Variants in STXBP5L observed in about 807,000 individuals in gnomAD.
STXBP5L encodes syntaxin-binding protein 5-like.
STXBP5L carries 65 observed loss-of-function variants against 144.5 expected under a neutral mutation model. That is an observed-to-expected ratio of 0.45 (90% CI 0.37 to 0.55). The LOEUF (loss-of-function observed/expected upper bound fraction) is 0.55, where lower values mean the gene tolerates loss of function less well. STXBP5L is among the 20% of genes least tolerant of loss of function. The pLI, the probability that STXBP5L is intolerant of heterozygous loss-of-function variation, is 0.00. For synonymous variants in STXBP5L, 505 were observed against 469.6 expected (o/e 1.08, Z -0.97); for missense variants, 1,298 against 1,405.5 (o/e 0.92, Z 1.22).
intron 2 of STXBP5L, among the ~76,000 whole-genome samples, chr3:120,919,368 A>G (rs2107578374): frequency 6.6e-6 from 1 of 152,106 alleles, no homozygotes; most frequent in East Asian, 1.9e-4. Flanking sequence ...ACTTGGGTTA[A>G]TAGGCTAAAT....
At chr3:121,395,315 T>C (rs1268008682) in intron 22 of STXBP5L, among the ~76,000 whole-genome samples, 1 of 152,164 alleles carries the variant, frequency 6.6e-6, no homozygotes, top group Non-Finnish European at 1.5e-5. Context: ...AGAAATAATC[T>C]TGGACTGTGG....
At chr3:121,326,307 C>A (rs2044146302) in intron 20 of STXBP5L, among the ~76,000 whole-genome samples, 1 of 151,936 alleles carries the variant, frequency 6.6e-6, no homozygotes, top group East Asian at 1.9e-4. Flanking sequence ...GATATGTAGG[C>A]TTTTTATGGC....
chr3:121,097,029 A>G (rs2043165505), intron 5 of STXBP5L, among the ~76,000 whole-genome samples: 1 of 152,062 alleles, frequency 6.6e-6, no homozygotes, highest in Non-Finnish European at 1.5e-5. Flanking sequence ...CCTTTTTTTC[A>G]GAGATGCCCT....
At chr3:121,087,855 A>G (rs1204176691) in intron 5 of STXBP5L, among the ~76,000 whole-genome samples, 1 of 152,044 alleles carries the variant, frequency 6.6e-6, no homozygotes, top group East Asian at 1.9e-4. Flanking sequence ...AGAGGTTGCT[A>G]TAGGTATTTT....
chr3:121,217,134 C>A (rs1160833303), intron 10 of STXBP5L, among the ~76,000 whole-genome samples: 2 of 152,158 alleles, frequency 1.3e-5, no homozygotes, highest in Admixed American at 6.5e-5. Flanking sequence ...GGGTTGGGAT[C>A]CACTGAGCTA....
chr3:121,324,868 G>A (rs1418636963), intron 20 of STXBP5L, among the ~76,000 whole-genome samples: 3 of 152,022 alleles, frequency 2.0e-5, no homozygotes, highest in Non-Finnish European at 4.4e-5. Context: ...GTTTTCTCAG[G>A]TCTCTAAGAA....
chr3:121,306,797 A>C (rs1271598052), intron 19 of STXBP5L, among the ~76,000 whole-genome samples: 3 of 152,188 alleles, frequency 2.0e-5, no homozygotes, highest in Admixed American at 2.0e-4. Context: ...ACTAGCCTGA[A>C]AAATGACCCC....
intron 9 of STXBP5L, among the ~76,000 whole-genome samples, chr3:121,174,991 C>T (rs2046877463): frequency 6.6e-6 from 1 of 152,036 alleles, no homozygotes. Flanking sequence ...GGAATATATG[C>T]CAGGCCTGCA....
At chr3:121,408,059 A>T (rs2047035570) in intron 23 of STXBP5L, among the ~76,000 whole-genome samples, 1 of 152,052 alleles carries the variant, frequency 6.6e-6, no homozygotes, top group Non-Finnish European at 1.5e-5. Context: ...AGGACATAGG[A>T]AAATAAACTA....
At chr3:121,144,814 A>C (rs1358618822) in intron 7 of STXBP5L, among the ~76,000 whole-genome samples, 1 of 151,950 alleles carries the variant, frequency 6.6e-6, no homozygotes, top group Admixed American at 6.6e-5. Flanking sequence ...ACAATGGAAT[A>C]CTTTTCAGCC....
chr3:121,373,104 A>T (rs934433525), intron 20 of STXBP5L, among the ~76,000 whole-genome samples: 51 of 152,324 alleles, frequency 3.3e-4, no homozygotes, highest in African/African-American at 1.2e-3. Flanking sequence ...ACAATGTATC[A>T]GGTAGAAAAT....
At chr3:121,186,189 G>A (rs1265018634) in intron 9 of STXBP5L, among the ~76,000 whole-genome samples, 1 of 152,178 alleles carries the variant, frequency 6.6e-6, no homozygotes, top group Non-Finnish European at 1.5e-5. Flanking sequence ...AGCTTAAGGA[G>A]GTTGTGGGCT....
At chr3:121,042,585 A>T (rs900468976) in intron 4 of STXBP5L, among the ~76,000 whole-genome samples, 15 of 152,308 alleles carry the variant, frequency 9.8e-5, no homozygotes, top group Admixed American at 7.9e-4. Flanking sequence ...CATGACAATG[A>T]TCTTTCATTC....
At chr3:121,338,409 T>C (rs1296871548) in intron 20 of STXBP5L, among the ~76,000 whole-genome samples, 2 of 151,754 alleles carry the variant, frequency 1.3e-5, no homozygotes, top group Admixed American at 1.3e-4. Context: ...TTTGGGAGTC[T>C]GAGGCGGGTG....
chr3:121,114,751 T>C (rs2044156340), intron 5 of STXBP5L, among the ~76,000 whole-genome samples, 174 bp from the exon 6 acceptor site: 1 of 152,156 alleles, frequency 6.6e-6, no homozygotes, highest in South Asian at 2.1e-4. Context: ...TTATTGTTTT[T>C]AACGCTATAA....
intron 20 of STXBP5L, among the ~76,000 whole-genome samples, chr3:121,369,000 G>T (rs1560028174): frequency 6.6e-6 from 1 of 152,152 alleles, no homozygotes; most frequent in Non-Finnish European, 1.5e-5. Context: ...GTGATCAGAA[G>T]CAGTCATCAA....
chr3:120,995,250 C>G (rs151327001), intron 3 of STXBP5L, among the ~76,000 whole-genome samples: 8 of 152,086 alleles, frequency 5.3e-5, no homozygotes, highest in African/African-American at 1.9e-4. Flanking sequence ...TAGGCTCAAG[C>G]GATCCTTTCA....
intron 5 of STXBP5L, among the ~76,000 whole-genome samples, chr3:121,100,592 AG>A (rs2043368819): frequency 6.6e-6 from 1 of 152,176 alleles, no homozygotes; most frequent in Admixed American, 6.6e-5. Flanking sequence ...ATGCAACAAA[AG>A]CAATGTTAAG....
intron 2 of STXBP5L, among the ~76,000 whole-genome samples, chr3:120,931,672 A>G (rs1709946508): frequency 6.6e-6 from 1 of 152,156 alleles, no homozygotes; most frequent in African/African-American, 2.4e-5. Context: ...AAGAAAAAAA[A>G]TTTCTCATTA....
Sources: allele counts gnomAD v4.1 joint callset (sites outside exome capture counted in the v4.1 genomes callset), GRCh38; gene constraint gnomAD v4.1.1; transcripts MANE v1.5; gene names NCBI Gene and HGNC (gene_info 2026-07-23, HGNC 2026-07-21).